The following MAF variants were observed in gnomAD, a reference collection of about 807,000 sequenced individuals.
MAF encodes transcription factor Maf.
A neutral mutation model predicts 22.0 loss-of-function variants in MAF; 10 were observed. The observed-to-expected ratio is 0.45, with a 90% CI of 0.28 to 0.77. MAF has a LOEUF of 0.77. Ranked by LOEUF, MAF falls within the 30% of genes least tolerant of loss-of-function variation. The probability of loss-of-function intolerance (pLI) is 0.12; values close to 1 mark genes in which losing one functional copy is unlikely to be tolerated. For missense variants in MAF, 544 were observed against 548.4 expected (o/e 0.99, Z 0.08); for synonymous variants, 337 against 255.8 (o/e 1.32, Z -3.03).
chr16:79,596,287 T>C (rs563311535), intron 1 of MAF: 1 of 1,059,896 alleles, frequency 9.4e-7, no homozygotes, highest in Non-Finnish European at 1.1e-6. Flanking sequence ...ATAATTTACA[T>C]CTATATTAAA....
chr16:79,576,885 T>C, the MAF span, among the ~76,000 whole-genome samples: 6 of 152,214 alleles, frequency 3.9e-5, no homozygotes, highest in African/African-American at 7.2e-5. Context: ...AAACTTTGTA[T>C]CCTTTTTAGT....
the MAF span, among the ~76,000 whole-genome samples, chr16:79,260,890 A>G: frequency 2.0e-5 from 3 of 152,234 alleles, no homozygotes; most frequent in Non-Finnish European, 4.4e-5. Context: ...AAAGTACAAA[A>G]TCCAGGTGGA....
chr16:79,335,776 T>C, the MAF span, among the ~76,000 whole-genome samples: 1 of 152,216 alleles, frequency 6.6e-6, no homozygotes, highest in Admixed American at 6.5e-5. Flanking sequence ...TCTTGGCTGC[T>C]GGCTCCAACT....
chr16:79,324,448 C>T, the MAF span, among the ~76,000 whole-genome samples: 2 of 152,110 alleles, frequency 1.3e-5, no homozygotes, highest in Non-Finnish European at 2.9e-5. Context: ...CTTTGGGACT[C>T]GAGTATGCAT....
the MAF span, among the ~76,000 whole-genome samples, chr16:79,492,131 C>T: frequency 5.3e-4 from 80 of 152,292 alleles, no homozygotes; most frequent in Non-Finnish European, 8.7e-4. Context: ...AGAGCAGGCA[C>T]GGGCATGAGA....
chr16:79,531,921 G>A, the MAF span, among the ~76,000 whole-genome samples: 1 of 152,092 alleles, frequency 6.6e-6, no homozygotes. Flanking sequence ...ACTGTGCTTA[G>A]TGGTCCAAAG....
the MAF span, among the ~76,000 whole-genome samples, chr16:79,461,528 T>G: frequency 6.6e-6 from 1 of 152,176 alleles, no homozygotes; most frequent in East Asian, 1.9e-4. Context: ...AAAAAGGCTC[T>G]TTGTCATCTC....
At chr16:79,398,505 G>A in the MAF span, among the ~76,000 whole-genome samples, 3 of 152,168 alleles carry the variant, frequency 2.0e-5, no homozygotes, top group African/African-American at 7.2e-5. Flanking sequence ...TGAGAAGATG[G>A]AGGGAGATAA....
the MAF span, among the ~76,000 whole-genome samples, chr16:79,392,744 G>C: frequency 7.2e-5 from 11 of 152,278 alleles, no homozygotes; most frequent in East Asian, 1.9e-3. Context: ...AGGTAGCCCA[G>C]TAGGACCAAA....
chr16:79,404,771 C>T, the MAF span, among the ~76,000 whole-genome samples: 1 of 152,122 alleles, frequency 6.6e-6, no homozygotes, highest in Non-Finnish European at 1.5e-5. Flanking sequence ...CTGACATAGG[C>T]GTGTAAACTC....
chr16:79,295,850 C>T, the MAF span, among the ~76,000 whole-genome samples: 2 of 152,244 alleles, frequency 1.3e-5, no homozygotes, highest in African/African-American at 4.8e-5. Context: ...TCCCGTTTCA[C>T]AGATGAGAAA....
At chr16:79,241,862 A>C in the MAF span, among the ~76,000 whole-genome samples, 1 of 152,126 alleles carries the variant, frequency 6.6e-6, no homozygotes, top group Non-Finnish European at 1.5e-5. Flanking sequence ...AAACACTACA[A>C]GCCAGAAGAG....
the MAF span, among the ~76,000 whole-genome samples, chr16:79,387,700 TA>T: frequency 6.6e-6 from 1 of 152,218 alleles, no homozygotes; most frequent in African/African-American, 2.4e-5. Context: ...GGGAACAAAC[TA>T]TAGTTCTAAT....
At chr16:79,535,586 C>CTTT in the MAF span, among the ~76,000 whole-genome samples, 289 of 130,568 alleles carry the variant, frequency 2.2e-3, 4 homozygotes, top group African/African-American at 8.3e-3. Flanking sequence ...ATTGCTTCTT[C>CTTT]TTTTTTTTTT....
At chr16:79,417,616 G>C in the MAF span, among the ~76,000 whole-genome samples, 5 of 152,232 alleles carry the variant, frequency 3.3e-5, no homozygotes, top group South Asian at 8.3e-4. Flanking sequence ...TTGGAGGCGG[G>C]GGTCCCCAGC....
chr16:79,299,815 C>T, the MAF span, among the ~76,000 whole-genome samples: 2 of 152,208 alleles, frequency 1.3e-5, no homozygotes, highest in African/African-American at 2.4e-5. Flanking sequence ...TTTCTCTCTC[C>T]TTTGTTGATG....
intron 1 of MAF, among the ~76,000 whole-genome samples, chr16:79,587,156 G>C (rs1477196995): frequency 5.3e-5 from 8 of 152,116 alleles, no homozygotes; most frequent in East Asian, 1.9e-4. Flanking sequence ...TCTTACCCTT[G>C]TATCTGTCAA....
chr16:79,496,375 T>A, the MAF span, among the ~76,000 whole-genome samples: 1 of 151,998 alleles, frequency 6.6e-6, no homozygotes, highest in Non-Finnish European at 1.5e-5. Context: ...CAGAGTAGGG[T>A]GAGGTTTTCT....
the MAF span, among the ~76,000 whole-genome samples, chr16:79,380,449 T>C: frequency 6.6e-6 from 1 of 152,228 alleles, no homozygotes; most frequent in Non-Finnish European, 1.5e-5. Context: ...TCCAATACAG[T>C]GTGAGAGAGG....
Sources: allele counts gnomAD v4.1 joint callset (sites outside exome capture counted in the v4.1 genomes callset), GRCh38; gene constraint gnomAD v4.1.1; transcripts MANE v1.5; gene names NCBI Gene and HGNC (gene_info 2026-07-23, HGNC 2026-07-21).